The following RARB variants were observed in gnomAD, a reference collection of about 807,000 sequenced individuals.
The protein encoded by RARB is retinoic acid receptor beta.
Under a neutral mutation model 51.9 loss-of-function variants are expected in RARB, and 17 were observed. The ratio of observed to expected loss-of-function variants is 0.33; its 90% confidence interval spans 0.22 to 0.49. The LOEUF is 0.49. Among genes scored for constraint, RARB ranks in the 20% least tolerant of loss-of-function variants. RARB has a pLI of 0.99. For synonymous variants in RARB, 215 were observed against 195.4 expected, an observed-to-expected ratio of 1.10 and a Z score of -0.84; for missense variants, 369 against 550.8, an observed-to-expected ratio of 0.67 and a Z score of 3.30.
At chr3:24,982,318 T>C (rs1559421651) in intron 2 of RARB, among the ~76,000 whole-genome samples, 1 of 152,214 alleles carries the variant, frequency 6.6e-6, no homozygotes, top group Non-Finnish European at 1.5e-5. Flanking sequence ...GCCTAATCTT[T>C]ATCCAAATCC....
intron 3 of RARB, among the ~76,000 whole-genome samples, chr3:25,567,439 T>A (rs766336068): frequency 4.6e-5 from 7 of 152,220 alleles, no homozygotes; most frequent in Admixed American, 6.5e-5. Context: ...TTAAGGCGTA[T>A]GTGTGAAAGC....
chr3:24,870,897 C>G (rs111986904), intron 2 of RARB, among the ~76,000 whole-genome samples: 9 of 152,086 alleles, frequency 5.9e-5, no homozygotes, highest in South Asian at 2.1e-4. Flanking sequence ...CATTCTAATT[C>G]CCTTCTTTTC....
At chr3:25,106,179 T>C (rs1699495209) in intron 3 of RARB, among the ~76,000 whole-genome samples, 1 of 150,572 alleles carries the variant, frequency 6.6e-6, no homozygotes, top group African/African-American at 2.4e-5. Flanking sequence ...TACTCTGTAT[T>C]GTATCAAGCC....
chr3:25,460,428 TTTTA>T (rs58159674), intron 1 of RARB, among the ~76,000 whole-genome samples: 5,027 of 145,644 alleles, frequency 0.035, 93 homozygotes, highest in Non-Finnish European at 0.051. Flanking sequence ...ATTTTAAAAT[TTTTA>T]TTTATTTATT....
intron 4 of RARB, among the ~76,000 whole-genome samples, chr3:25,160,786 T>C (rs930941095): frequency 6.6e-6 from 1 of 152,184 alleles, no homozygotes; most frequent in Admixed American, 6.5e-5. Context: ...TTCAGAAGGA[T>C]CTGCAAGGAG....
chr3:25,264,812 T>C (rs996597105), intron 5 of RARB, among the ~76,000 whole-genome samples: 1 of 152,166 alleles, frequency 6.6e-6, no homozygotes, highest in Non-Finnish European at 1.5e-5. Context: ...GGAACATACT[T>C]GTCTGTAATT....
At chr3:25,092,989 C>G (rs1030503319) in intron 3 of RARB, among the ~76,000 whole-genome samples, 2 of 152,156 alleles carry the variant, frequency 1.3e-5, no homozygotes, top group African/African-American at 2.4e-5. Flanking sequence ...TTCCAATTGC[C>G]TTTCCACTAA....
intron 5 of RARB, among the ~76,000 whole-genome samples, chr3:25,399,190 C>T (rs921580110): frequency 3.3e-5 from 5 of 152,158 alleles, no homozygotes; most frequent in Non-Finnish European, 7.4e-5. Context: ...AAATAAACCC[C>T]CTGGGCTTGC....
At chr3:25,325,625 C>T (rs1403582909) in intron 5 of RARB, among the ~76,000 whole-genome samples, 6 of 151,928 alleles carry the variant, frequency 3.9e-5, no homozygotes, top group Admixed American at 3.9e-4. Flanking sequence ...CCTCTGCTGC[C>T]AACTTCTAAC....
chr3:25,223,216 T>C (rs1168673870), intron 5 of RARB, among the ~76,000 whole-genome samples: 1 of 152,230 alleles, frequency 6.6e-6, no homozygotes, highest in Non-Finnish European at 1.5e-5. Flanking sequence ...GTCACTCTAA[T>C]GTTACCTTTT....
chr3:25,174,331 T>A, exon 5 of RARB: 1 of 1,282,746 alleles, frequency 7.8e-7, no homozygotes, highest in Admixed American at 1.9e-5. Context: ...CCTCCCTCAC[T>A]TTGGTTTAAG....
intron 2 of RARB, among the ~76,000 whole-genome samples, chr3:24,999,402 A>G (rs1055474973): frequency 1.3e-5 from 2 of 152,186 alleles, no homozygotes; most frequent in Non-Finnish European, 2.9e-5. Flanking sequence ...AGGATGCCTC[A>G]AAAGACATTT....
intron 3 of RARB, among the ~76,000 whole-genome samples, chr3:25,095,927 C>T (rs1380043799): frequency 6.6e-6 from 1 of 152,162 alleles, no homozygotes; most frequent in Non-Finnish European, 1.5e-5. Flanking sequence ...ATCTTCCAAA[C>T]TGTTCAGCAC....
chr3:25,078,558 C>T (rs771133251), intron 3 of RARB, among the ~76,000 whole-genome samples: 9 of 136,416 alleles, frequency 6.6e-5, no homozygotes, highest in South Asian at 2.3e-4. Flanking sequence ...TCTTTTGAGA[C>T]GGAGTTTCAT....
intron 5 of RARB, among the ~76,000 whole-genome samples, chr3:25,261,367 T>A (rs1479617132): frequency 6.6e-6 from 1 of 152,130 alleles, no homozygotes; most frequent in Non-Finnish European, 1.5e-5. Context: ...TTCTCCAGGC[T>A]GTTTTCTGCT....
At chr3:25,087,759 C>T (rs1288373598) in intron 3 of RARB, among the ~76,000 whole-genome samples, 1 of 151,902 alleles carries the variant, frequency 6.6e-6, no homozygotes, top group African/African-American at 2.4e-5. Flanking sequence ...AGAGAAAGTG[C>T]TTGACAAATG....
intron 5 of RARB, among the ~76,000 whole-genome samples, chr3:25,398,318 A>G: frequency 6.6e-6 from 1 of 152,024 alleles, no homozygotes; most frequent in East Asian, 1.9e-4. Context: ...CTCCAACATA[A>G]CTCCCATTAT....
At chr3:25,189,820 G>GT (rs1286198327) in intron 5 of RARB, among the ~76,000 whole-genome samples, 3 of 152,132 alleles carry the variant, frequency 2.0e-5, no homozygotes, top group Non-Finnish European at 2.9e-5. Flanking sequence ...GGGAAGTAGA[G>GT]TTTGCAGTGA....
At chr3:25,196,446 A>G (rs998028109) in intron 5 of RARB, among the ~76,000 whole-genome samples, 1 of 152,160 alleles carries the variant, frequency 6.6e-6, no homozygotes, top group African/African-American at 2.4e-5. Flanking sequence ...TATATGTGCC[A>G]CATTTTCTTA....
Sources: gnomAD v4.1 joint callset for allele counts (sites outside exome capture counted in the v4.1 genomes callset) on GRCh38, gnomAD v4.1.1 for gene constraint, MANE v1.5 for transcripts, NCBI Gene and HGNC (gene_info 2026-07-23, HGNC 2026-07-21) for gene names.